The following NUP62 variants were observed in gnomAD, a reference collection of about 807,000 sequenced individuals.
NUP62 encodes the protein nuclear pore glycoprotein p62.
For missense variants in NUP62, 647 were observed against 689.4 expected (o/e 0.94, Z 0.69); for synonymous variants, 305 against 303.4 (o/e 1.01, Z -0.05).
chr19:49,907,103 G>A lies in NUP62; in HGVS notation c.*1136C>T, dbSNP rs2075338018. The stretch of plus-strand genomic sequence containing the variant: ...TCTTTCATTTAACAAATGTGACAGG[G>A]ACCGGGCTGGGGACACACGGGGAAC... On this transcript the variant is annotated 3_prime_UTR_variant, in exon 3 of 3. Transcript: ENST00000352066. The A allele has an allele frequency of 6.3e-6, 1 of 157,634 alleles. No homozygotes were observed. Among genetic ancestry groups the A allele is most frequent in the African/African-American group, 2.4e-5 (1 of 41,454 alleles). The allele number at this position is 157,634 out of a possible 1,614,324, so 9.8% of individuals were successfully genotyped here.
At chr19:49,912,313 C>T (rs142850573) in intron 2 of NUP62, among the ~76,000 whole-genome samples, 30,129 of 151,786 alleles carry the variant, frequency 0.2, 3,198 homozygotes, top group East Asian at 0.37. Flanking sequence ...GGATTACAGG[C>T]GCATGCCACC....
At chr19:49,924,068 G>C (rs190270806) in intron 2 of NUP62, among the ~76,000 whole-genome samples, 1 of 152,188 alleles carries the variant, frequency 6.6e-6, no homozygotes, top group Non-Finnish European at 1.5e-5. Context: ...GGCAGGAATC[G>C]ATAGCGTCTG....
At chr19:49,926,086 G>A (rs556502388) in intron 2 of NUP62, among the ~76,000 whole-genome samples, 5 of 151,718 alleles carry the variant, frequency 3.3e-5, no homozygotes, top group Non-Finnish European at 7.4e-5. Context: ...GTGCATGTCT[G>A]TAATCCCAGC....
chr19:49,907,209 A>C lies in NUP62; in HGVS notation c.*1030T>G. ...ACGGCTAGCACAGGATAGCATAACA[A>C]GTGCCACCCAAGGTACAGGCTCAGG... On this transcript the variant is annotated 3_prime_UTR_variant, in exon 3 of 3. Transcript: ENST00000352066. 1 of 220,660 alleles carries C rather than the reference A, an allele frequency of 4.5e-6. No homozygotes were observed. The highest frequency in any genetic ancestry group is 9.3e-6 in the Non-Finnish European group (1 of 107,826). 13.7% of individuals were successfully genotyped at this position (220,660 alleles called of 1,614,324 possible).
chr19:49,914,726 GTTTTTTTTTTTTTTTTTTT>G (rs530372497), intron 2 of NUP62, among the ~76,000 whole-genome samples: 1 of 56,362 alleles, frequency 1.8e-5, no homozygotes, highest in Admixed American at 2.8e-4. Context: ...CCAAGTCCCA[GTTTTTTTTTTTTTTTTTTT>G]TTTTTTTTTT....
In NUP62 at chr19:49,908,690, G is replaced by A. The variant is rs1486917773; in HGVS notation, c.1118C>T (p.Thr373Ile). Residue 373 changes from threonine (T) to isoleucine (I), a missense_variant, in exon 3 of 3, where the codon ACC (threonine) becomes ATC (isoleucine). Physicochemically the swap from Thr to Ile is moderately conservative, Grantham distance 89. Transcript: ENST00000352066. ...CTTCTCCACCTCGCGGTGCAGGCTG[G>A]TGATCTTTTCTCCATTCTCGATCAG... ...RTLIENGEKI[T>I]SLHREVEKVK... 6.2e-7 allele frequency: 1 copy of A among 1,612,224 alleles called. No individual in the cohort carries two copies. The highest frequency in any genetic ancestry group is 8.5e-7 in the Non-Finnish European group (1 of 1,180,036).
At chr19:49,924,326 G>A (rs983316696) in intron 2 of NUP62, among the ~76,000 whole-genome samples, 3 of 152,114 alleles carry the variant, frequency 2.0e-5, no homozygotes, top group Admixed American at 1.3e-4. Context: ...GGTCCTGCAC[G>A]GGTGGCTGAT....
At chr19:49,925,467 G>GA in intron 2 of NUP62, among the ~76,000 whole-genome samples, 1 of 124,808 alleles carries the variant, frequency 8.0e-6, no homozygotes, top group Non-Finnish European at 1.6e-5. Context: ...AAAAAAAATA[G>GA]CATCCTACCT....
At chr19:49,927,009 AC>A (rs1363634315) in intron 2 of NUP62, among the ~76,000 whole-genome samples, 2 of 151,806 alleles carry the variant, frequency 1.3e-5, no homozygotes, top group Non-Finnish European at 2.9e-5. Flanking sequence ...ACAGGTGCAA[AC>A]CACCACACCC....
intron 2 of NUP62, among the ~76,000 whole-genome samples, chr19:49,922,977 C>T (rs899919239): frequency 5.9e-5 from 9 of 152,172 alleles, no homozygotes; most frequent in African/African-American, 1.7e-4. Flanking sequence ...GACCACAGGT[C>T]GGGGGGTACA....
rs751148161 is a variant in NUP62, at chr19:49,908,404, A to G, written c.1404T>C (p.Ser468=). ...LNTSGAPADT[S]DPLQQICKIL... ...TCTTGCAGATCTGCTGCAGTGGGTC[A>G]CTGGTGTCGGCGGGGGCCCCGGACG... The change falls in exon 3 of 3, where the codon AGT becomes AGC. Residue 468 remains serine, a synonymous_variant. Transcript: ENST00000352066. The G allele has an allele frequency of 6.8e-6, 11 of 1,614,184 alleles. No homozygotes were observed. The highest frequency in any genetic ancestry group is 9.3e-6 in the Non-Finnish European group (11 of 1,180,028).
At position 49,909,792 on chromosome 19, in the gene NUP62, A is replaced by C; in HGVS notation, c.16T>G (p.Phe6Val). The C allele has an allele frequency of 6.2e-7, 1 of 1,614,076 alleles. No homozygotes were observed. Among genetic ancestry groups the C allele is most frequent in the Non-Finnish European group, 8.5e-7 (1 of 1,180,018 alleles). MSGFN[F>V]GGTGAPTGGF... is the part of the protein sequence containing the mutation. ...CCTGTAGGGGCCCCAGTGCCTCCAA[A>C]ATTAAACCCGCTCATGGCTCCGGAC... Residue 6 changes from phenylalanine to valine, a missense_variant, in exon 3 of 3, where the codon TTT (phenylalanine) becomes GTT (valine). By Grantham distance (50) the Phe-to-Val change is conservative. Coordinates refer to ENST00000352066, the MANE Select transcript of NUP62 (RefSeq NM_016553.5).
At chr19:49,922,928 A>G (rs1600553574) in intron 2 of NUP62, among the ~76,000 whole-genome samples, 2 of 151,992 alleles carry the variant, frequency 1.3e-5, no homozygotes, top group African/African-American at 4.8e-5. Flanking sequence ...ACACTGCCCC[A>G]AGGTAGTTCT....
At chr19:49,918,192 G>A (rs773856946) in intron 2 of NUP62, among the ~76,000 whole-genome samples, 7 of 151,692 alleles carry the variant, frequency 4.6e-5, no homozygotes, top group Non-Finnish European at 7.4e-5. Flanking sequence ...CTAGCCTCCC[G>A]TTAGCTGGGA....
intron 2 of NUP62, among the ~76,000 whole-genome samples, chr19:49,923,161 G>A (rs2075804729): frequency 6.6e-6 from 1 of 152,082 alleles, no homozygotes; most frequent in Non-Finnish European, 1.5e-5. Context: ...GAGGACTGTG[G>A]GCCACGTGGC....
rs4009637 is a variant in NUP62 at position 49,907,537 on chromosome 19, C to CT, written c.*701dup. ...CTAGGCTGCTGTCTCCTGGGAGTTT[C>CT]TTTTTTTTTTTTTTTTTTTTTGAGA... On this transcript the variant is annotated 3_prime_UTR_variant, in exon 3 of 3. Coordinates refer to ENST00000352066, the MANE Select transcript of NUP62 (RefSeq NM_016553.5). 12,370 of 326,112 alleles carry CT rather than the reference C, an allele frequency of 0.038. 54 individuals carry two copies. Among genetic ancestry groups the CT allele is most frequent in the East Asian group, 0.065 (747 of 11,554 alleles). 20.2% of individuals were successfully genotyped at this position (326,112 alleles called of 1,614,324 possible).
In NUP62 at chr19:49,908,963, G is replaced by C. The variant is rs149572563; in HGVS notation, c.845C>G (p.Thr282Ser). 4.1e-5 allele frequency: 66 copies of C among 1,605,800 alleles called. No homozygotes were observed. Among genetic ancestry groups the C allele is most frequent in the East Asian group, 2.0e-4 (9 of 44,766 alleles). The part of the protein sequence containing the change: ...STAATATATT[T>S]SSSSTTGFAL... ...AAAGCCGGTGGTGCTGCTGCTGCTGGTGGTGGTGGCGGTGGCGGTGGCAGC... is the reference window on the plus strand; with the variant it reads ...AAAGCCGGTGGTGCTGCTGCTGCTGCTGGTGGTGGCGGTGGCGGTGGCAGC... Residue 282 changes from threonine (T) to serine (S), a missense_variant, in exon 3 of 3, where the codon ACC becomes AGC. Transcript: ENST00000352066.
intron 1 of NUP62, chr19:49,928,538 G>A (rs1485522115): frequency 7.2e-6 from 1 of 138,496 alleles, no homozygotes; most frequent in African/African-American, 2.6e-5. Flanking sequence ...AAAAACAGTT[G>A]AACAGGAATG....
At position 49,908,245 on chromosome 19, in the gene NUP62, A is replaced by G. The variant is rs1477122098; in HGVS notation, c.1563T>C (p.Phe521=). ...KEQERSFRIT[F]D ...GCCCCAGGGCTGCTGTCGCTCAGTC[A>G]AAGGTGATCCGGAAGCTGCGCTCCT... Residue 521 remains phenylalanine (F), a synonymous_variant, in exon 3 of 3, where the codon TTT becomes TTC. Coordinates refer to ENST00000352066, the MANE Select transcript of NUP62 (RefSeq NM_016553.5). The G allele has an allele frequency of 1.9e-6, 3 of 1,613,076 alleles. No individual in the cohort carries two copies. Among genetic ancestry groups the G allele is most frequent in the Non-Finnish European group, 2.5e-6 (3 of 1,180,030 alleles).
Sources: allele counts gnomAD v4.1 joint callset (sites outside exome capture counted in the v4.1 genomes callset), GRCh38; gene constraint gnomAD v4.1.1; transcripts MANE v1.5; gene names NCBI Gene and HGNC (gene_info 2026-07-23, HGNC 2026-07-21).